Variants in PCLO observed in about 807,000 individuals in gnomAD.
The protein encoded by PCLO is piccolo presynaptic cytomatrix protein.
PCLO carries 82 observed loss-of-function variants against 427.5 expected under a neutral mutation model. That is an observed-to-expected ratio of 0.19 (90% CI 0.16 to 0.23). The LOEUF (loss-of-function observed/expected upper bound fraction) is 0.23, where lower values mean the gene tolerates loss of function less well. Among genes scored for constraint, PCLO ranks in the 10% least tolerant of loss-of-function variants. The pLI is 1.00. For synonymous variants in PCLO, 2,357 were observed against 2,155.4 expected (o/e 1.09, Z -2.59); for missense variants, 6,239 against 6,115.9 (o/e 1.02, Z -0.67).
At chr7:82,940,907 T>C (rs1343797776) in intron 6 of PCLO, among the ~76,000 whole-genome samples, 1 of 151,272 alleles carries the variant, frequency 6.6e-6, no homozygotes. Flanking sequence ...GGACTACAGG[T>C]GCTTGCCACC....
chr7:82,984,418 G>GTA (rs1796213892), intron 3 of PCLO, among the ~76,000 whole-genome samples: 1 of 150,330 alleles, frequency 6.7e-6, no homozygotes, highest in African/African-American at 2.4e-5. Context: ...CTGTGTGTGT[G>GTA]TGTGTGTGTG....
chr7:83,159,791 TGTTA>T (rs1792387922), intron 1 of PCLO, among the ~76,000 whole-genome samples: 2 of 151,840 alleles, frequency 1.3e-5, no homozygotes, highest in African/African-American at 2.4e-5. Context: ...TGGGACTATC[TGTTA>T]ATTTTTATAT....
chr7:82,762,361 A>G (rs1191501197), intron 22 of PCLO, among the ~76,000 whole-genome samples: 2 of 152,076 alleles, frequency 1.3e-5, no homozygotes, highest in Non-Finnish European at 2.9e-5. Context: ...ATATAACATG[A>G]GAAATAAATG....
chr7:82,803,375 G>C (rs1310770125), intron 21 of PCLO, among the ~76,000 whole-genome samples: 1 of 152,034 alleles, frequency 6.6e-6, no homozygotes, highest in Non-Finnish European at 1.5e-5. Context: ...AGTAGTTACT[G>C]TAAGTCTTAG....
intron 2 of PCLO, among the ~76,000 whole-genome samples, chr7:83,141,335 T>A (rs1791856580): frequency 6.6e-6 from 1 of 152,196 alleles, no homozygotes; most frequent in African/African-American, 2.4e-5. Flanking sequence ...AGACTTTATA[T>A]GACAAATAAG....
At chr7:82,784,391 G>C (rs1790939732) in intron 22 of PCLO, among the ~76,000 whole-genome samples, 1 of 152,112 alleles carries the variant, frequency 6.6e-6, no homozygotes, top group South Asian at 2.1e-4. Context: ...ATTTTCTTCA[G>C]TGATTACCCA....
intron 3 of PCLO, among the ~76,000 whole-genome samples, chr7:83,065,984 T>C (rs1290126534): frequency 1.3e-5 from 2 of 152,142 alleles, no homozygotes; most frequent in African/African-American, 4.8e-5. Flanking sequence ...AATTGTATTC[T>C]GCCTGCTGTA....
intron 9 of PCLO, 143 bp downstream of exon 9, chr7:82,902,508 A>G (rs888968246): frequency 6.9e-5 from 38 of 553,112 alleles, no homozygotes; most frequent in African/African-American, 6.3e-4. Flanking sequence ...GCACACCAGC[A>G]TGGCACATGT....
At chr7:82,834,952 T>G (rs539208504) in intron 16 of PCLO, among the ~76,000 whole-genome samples, 3,521 of 126,832 alleles carry the variant, frequency 0.028, 108 homozygotes, top group African/African-American at 0.074. Flanking sequence ...TTATCTTTTT[T>G]TTTGTTTGTT....
intron 10 of PCLO, among the ~76,000 whole-genome samples, chr7:82,852,078 AG>A (rs1337550635): frequency 2.6e-5 from 4 of 152,174 alleles, no homozygotes; most frequent in East Asian, 1.9e-4. Context: ...AAAGAAAGGA[AG>A]GGGGGAATCT....
chr7:82,789,558 T>C (rs111815430), intron 22 of PCLO, among the ~76,000 whole-genome samples: 3,500 of 152,076 alleles, frequency 0.023, 65 homozygotes, highest in Non-Finnish European at 0.037. Context: ...ATACAAAAGT[T>C]AACTGGGCGT....
At chr7:82,827,774 G>C in intron 17 of PCLO, 99 bp downstream of exon 17, 1 of 618,740 alleles carries the variant, frequency 1.6e-6, no homozygotes, top group Non-Finnish European at 2.7e-6. Context: ...TTTTTTGTTT[G>C]ATTGGCAAAA....
chr7:83,053,759 T>G (rs1291225705), intron 3 of PCLO, among the ~76,000 whole-genome samples: 1 of 151,888 alleles, frequency 6.6e-6, no homozygotes, highest in Non-Finnish European at 1.5e-5. Context: ...AGATAATTAC[T>G]TCCTAGGCTG....
intron 6 of PCLO, among the ~76,000 whole-genome samples, chr7:82,940,321 T>G (rs1795051407): frequency 6.6e-6 from 1 of 152,206 alleles, no homozygotes; most frequent in African/African-American, 2.4e-5. Context: ...TGAATAAATT[T>G]ATGCACATTT....
intron 3 of PCLO, among the ~76,000 whole-genome samples, chr7:83,119,823 G>GAA (rs71074621): frequency 0.47 from 66,300 of 141,300 alleles, 16,091 homozygotes; most frequent in African/African-American, 0.64. Flanking sequence ...AATCCTATCA[G>GAA]AAAAAAAAAA....
chr7:82,801,205 T>G (rs1397339361), intron 22 of PCLO, among the ~76,000 whole-genome samples: 2 of 149,110 alleles, frequency 1.3e-5, no homozygotes, highest in Admixed American at 6.8e-5. Context: ...ATATGTTATA[T>G]TTTTAAGTTC....
At chr7:83,050,081 C>G (rs1297023172) in intron 3 of PCLO, among the ~76,000 whole-genome samples, 1 of 149,342 alleles carries the variant, frequency 6.7e-6, no homozygotes, top group Non-Finnish European at 1.5e-5. Context: ...AAGGGGATTC[C>G]AATCATTAAT....
chr7:83,047,159 A>AC lies in PCLO; in HGVS notation c.3301-80673dup, dbSNP rs1337849797. Among the ~76,000 whole-genome samples the AC allele has an allele frequency of 6.6e-5, 10 of 152,150 alleles. No individual in the cohort carries two copies. The South Asian group carries it at 1.9e-3, about 28-fold the overall frequency. On this transcript the variant is annotated intron_variant, in intron 3 of 24. Transcript: ENST00000333891. ...TATTACATAAATCAAATTTGTTTAC[A>AC]CTTTTTGACAGATACCACCACCACT...
intron 3 of PCLO, among the ~76,000 whole-genome samples, chr7:83,007,378 G>A (rs1411828743): frequency 1.3e-5 from 2 of 151,210 alleles, no homozygotes; most frequent in Admixed American, 1.3e-4. Context: ...GTGTAAAGTG[G>A]TAAAATATTT....
Sources: gnomAD v4.1 joint callset for allele counts (sites outside exome capture counted in the v4.1 genomes callset) on GRCh38, gnomAD v4.1.1 for gene constraint, MANE v1.5 for transcripts, NCBI Gene and HGNC (gene_info 2026-07-23, HGNC 2026-07-21) for gene names.